The following EYS variants were observed in gnomAD, a reference collection of about 807,000 sequenced individuals.
The protein encoded by EYS is protein eyes shut homolog.
EYS carries 250 observed loss-of-function variants against 282.1 expected under a neutral mutation model. That is an observed-to-expected ratio of 0.89 (90% CI 0.80 to 0.98). The LOEUF (loss-of-function observed/expected upper bound fraction) is 0.98, where lower values mean the gene tolerates loss of function less well. Ranked by LOEUF, EYS falls within the 50% of genes least tolerant of loss-of-function variation. The probability of loss-of-function intolerance (pLI) is 0.00; values close to 1 mark genes in which losing one functional copy is unlikely to be tolerated. For missense variants in EYS, 4,016 were observed against 3,709.0 expected, an observed-to-expected ratio of 1.08 and a Z score of -2.15; for synonymous variants, 1,355 against 1,282.9, an observed-to-expected ratio of 1.06 and a Z score of -1.20.
chr6:65,392,484 AAAC>A (rs1766083528), intron 7 of EYS, among the ~76,000 whole-genome samples: 2 of 152,166 alleles, frequency 1.3e-5, no homozygotes, highest in Non-Finnish European at 2.9e-5. Flanking sequence ...AGAAAACAAC[AAAC>A]AACCCCATCA....
chr6:63,994,750 G>A lies in EYS; in HGVS notation c.6834+4325C>T, dbSNP rs527618382. 6.6e-5 allele frequency among the ~76,000 whole-genome samples: 10 copies of A among 151,924 alleles called. No individual in the cohort carries two copies. In the South Asian group the frequency reaches 2.1e-3, roughly 31 times the overall value. On this transcript the variant is annotated intron_variant, in intron 34 of 42. Transcript: ENST00000503581. ...GAATCAGTAAGACAATCAATAATAT[G>A]TTTTCTTTTGTTTCTTCTGAAATCC...
intron 12 of EYS, among the ~76,000 whole-genome samples, chr6:65,283,748 T>A (rs1768285601): frequency 6.6e-6 from 1 of 152,096 alleles, no homozygotes; most frequent in Non-Finnish European, 1.5e-5. Flanking sequence ...TGTGTCAAGC[T>A]AGCTTTCTCA....
At chr6:64,582,410 GC>G (rs1261091845) in intron 26 of EYS, among the ~76,000 whole-genome samples, 3 of 152,010 alleles carry the variant, frequency 2.0e-5, no homozygotes, top group Non-Finnish European at 4.4e-5. Flanking sequence ...CCATCCCCTA[GC>G]CCCCCATGGA....
intron 12 of EYS, among the ~76,000 whole-genome samples, chr6:65,285,266 A>G (rs1230562957): frequency 6.6e-6 from 1 of 152,020 alleles, no homozygotes; most frequent in African/African-American, 2.4e-5. Context: ...CAGCTATTTT[A>G]CTATGAATAA....
chr6:64,536,231 T>C (rs919445546), intron 26 of EYS, among the ~76,000 whole-genome samples: 1 of 152,160 alleles, frequency 6.6e-6, no homozygotes, highest in Non-Finnish European at 1.5e-5. Context: ...AAACTTCTTT[T>C]ATCTGAAGTC....
chr6:65,063,538 T>C (rs985545650), intron 12 of EYS, among the ~76,000 whole-genome samples: 1 of 152,048 alleles, frequency 6.6e-6, no homozygotes, highest in Admixed American at 6.6e-5. Context: ...GCAGTAGCTC[T>C]TTCACTTACA....
At position 64,044,853 on chromosome 6, in the gene EYS, G is replaced by A. The variant is rs551229033; in HGVS notation, c.6725+21485C>T. ...ATAAAAGGCAGAAGTGAATAGTTTA[G>A]ATCAGAGAGTAGATATTACAAACCA... On this transcript the variant is annotated intron_variant, in intron 33 of 42. Coordinates refer to ENST00000503581, the MANE Select transcript of EYS (RefSeq NM_001142800.2). 5.3e-5 allele frequency among the ~76,000 whole-genome samples: 8 copies of A among 152,230 alleles called. No homozygotes were observed. The East Asian group carries it at 1.5e-3, about 29-fold the overall frequency.
At chr6:65,363,972 T>C (rs192605282) in intron 8 of EYS, among the ~76,000 whole-genome samples, 47 of 151,598 alleles carry the variant, frequency 3.1e-4, no homozygotes, top group Middle Eastern at 5.0e-3. Flanking sequence ...TTTATTGTGC[T>C]ACAATAATAT....
chr6:64,816,963 A>AAT (rs1387971614), intron 21 of EYS, among the ~76,000 whole-genome samples: 2 of 151,128 alleles, frequency 1.3e-5, no homozygotes, highest in African/African-American at 2.4e-5. Context: ...GGTAGTATAG[A>AAT]ATATATATAT....
At chr6:64,423,622 A>G (rs1444007104) in intron 28 of EYS, among the ~76,000 whole-genome samples, 1 of 152,170 alleles carries the variant, frequency 6.6e-6, no homozygotes, top group African/African-American at 2.4e-5. Context: ...AGCCTAGCTA[A>G]CATGGTGAAA....
chr6:64,173,766 A>C (rs9362522), intron 31 of EYS, among the ~76,000 whole-genome samples: 55,215 of 151,230 alleles, frequency 0.37, 10,113 homozygotes, highest in East Asian at 0.55. Context: ...AATAGAACAT[A>C]TCTAATGAGT....
At chr6:63,744,249 C>A (rs568354278) in intron 41 of EYS, 1 of 152,026 alleles carries the variant, frequency 6.6e-6, no homozygotes, top group Non-Finnish European at 1.5e-5. Flanking sequence ...ATTGGGCATA[C>A]CTCATTATTT....
rs540351800 is a variant in EYS at position 65,432,921 on chromosome 6, C to T, written c.863-27554G>A. Reference sequence around the variant, plus strand: ...AAGGAGAAGTCAAGAAAAAAAAAGACTGCAAGGTTTTTGTTTGTTTTTTAA... The same window carrying T: ...AAGGAGAAGTCAAGAAAAAAAAAGATTGCAAGGTTTTTGTTTGTTTTTTAA... On this transcript the variant is annotated intron_variant, in intron 5 of 42. Transcript: ENST00000503581. 8.6e-5 allele frequency among the ~76,000 whole-genome samples: 13 copies of T among 151,992 alleles called. No homozygotes were observed. In the South Asian group the frequency reaches 2.3e-3, roughly 27 times the overall value.
intron 33 of EYS, among the ~76,000 whole-genome samples, chr6:64,018,775 T>TG (rs1189717249): frequency 3.0e-5 from 4 of 132,180 alleles, no homozygotes; most frequent in Non-Finnish European, 6.5e-5. Context: ...TTTTTTTTTT[T>TG]TTTTTTTTTT....
chr6:64,234,016 G>A lies in EYS; in HGVS notation c.6192-3192C>T, dbSNP rs573570676. ...CACAAATGTTTAGAAGGAAGAGTGG[G>A]CTCACACAGATATGTGCCTACGAAC... On this transcript the variant is annotated intron_variant, in intron 30 of 42. Transcript: ENST00000503581. Among the ~76,000 whole-genome samples the A allele has an allele frequency of 3.5e-4, 54 of 152,248 alleles. 1 individual carries two copies. Among genetic ancestry groups the A allele is most frequent in the African/African-American group, 1.0e-3 (42 of 41,562 alleles).
chr6:64,731,905 C>G (rs944130299), intron 22 of EYS, among the ~76,000 whole-genome samples: 1 of 152,044 alleles, frequency 6.6e-6, no homozygotes, highest in Non-Finnish European at 1.5e-5. Context: ...ATATATGGAA[C>G]CAAATCAAAT....
chr6:64,307,848 C>T (rs1419982074), intron 29 of EYS, among the ~76,000 whole-genome samples: 1 of 151,362 alleles, frequency 6.6e-6, no homozygotes, highest in Admixed American at 6.6e-5. Context: ...TGGCCCATAC[C>T]TTAAATATAT....
At chr6:65,241,689 T>C (rs1767061613) in intron 12 of EYS, among the ~76,000 whole-genome samples, 1 of 152,106 alleles carries the variant, frequency 6.6e-6, no homozygotes, top group African/African-American at 2.4e-5. Context: ...CCCCTTCCTA[T>C]GTACCATATT....
At chr6:64,994,493 C>T (rs1337304350) in intron 14 of EYS, among the ~76,000 whole-genome samples, 1 of 152,050 alleles carries the variant, frequency 6.6e-6, no homozygotes, top group East Asian at 1.9e-4. Context: ...ATACAACAAG[C>T]AGGCCGGTGA....
Sources: gnomAD v4.1 joint callset for allele counts (sites outside exome capture counted in the v4.1 genomes callset) on GRCh38, gnomAD v4.1.1 for gene constraint, MANE v1.5 for transcripts, NCBI Gene and HGNC (gene_info 2026-07-23, HGNC 2026-07-21) for gene names.